MACROD2: variants seen among roughly 807,000 people sequenced by gnomAD.
MACROD2 encodes the protein mono-ADP ribosylhydrolase 2, also known as ADP-ribose glycohydrolase MACROD2.
Under a neutral mutation model 70.4 loss-of-function variants are expected in MACROD2, and 36 were observed. The observed-to-expected ratio is 0.51, with a 90% CI of 0.39 to 0.68. MACROD2 has a LOEUF of 0.68. Ranked by LOEUF, MACROD2 falls within the 30% of genes least tolerant of loss-of-function variation. MACROD2 has a pLI of 0.00. For missense variants in MACROD2, 496 were observed against 538.4 expected (o/e 0.92, Z 0.78); for synonymous variants, 172 against 178.8 (o/e 0.96, Z 0.30).
chr20:14,734,726 A>G (rs555049736), intron 5 of MACROD2, among the ~76,000 whole-genome samples: 1 of 152,288 alleles, frequency 6.6e-6, no homozygotes, highest in East Asian at 1.9e-4. Context: ...CACATTTCCC[A>G]ATGTTAAAAC....
chr20:15,647,450 T>G (rs2049565542), intron 8 of MACROD2, among the ~76,000 whole-genome samples: 4 of 152,182 alleles, frequency 2.6e-5, no homozygotes, highest in Admixed American at 2.0e-4. Flanking sequence ...TCTGCCATGC[T>G]AAGGAGTCAG....
Position 15,627,116 on chromosome 20 carries a change from A to T in MACROD2, c.645+127269A>T, listed in dbSNP as rs530557954. On this transcript the variant is annotated intron_variant, in intron 8 of 17. Transcript: ENST00000684519. ...AGAGATGTGTGAAAAGGCATTTGGG[A>T]CAGTTACAAGTTTGTGAACAGTGAT... 7.2e-5 allele frequency among the ~76,000 whole-genome samples: 11 copies of T among 151,888 alleles called. No individual in the cohort carries two copies. In the East Asian group the frequency reaches 1.9e-3, roughly 27 times the overall value.
chr20:14,397,941 G>A (rs538620998), intron 3 of MACROD2, among the ~76,000 whole-genome samples: 5 of 147,456 alleles, frequency 3.4e-5, no homozygotes, highest in Non-Finnish European at 6.2e-5. Flanking sequence ...TTCTACTTCT[G>A]TGAGCTTTTT....
intron 8 of MACROD2, among the ~76,000 whole-genome samples, chr20:15,804,610 G>T (rs956950467): frequency 1.3e-5 from 2 of 152,146 alleles, no homozygotes; most frequent in African/African-American, 4.8e-5. Context: ...TTGTAGAAAA[G>T]CACACAGCTG....
chr20:14,938,753 C>T (rs934422346), intron 5 of MACROD2, among the ~76,000 whole-genome samples: 4 of 151,906 alleles, frequency 2.6e-5, no homozygotes, highest in Non-Finnish European at 4.4e-5. Flanking sequence ...TGCACTCCAG[C>T]GTGGGTGACT....
At chr20:15,261,443 G>A (rs1372965537) in intron 6 of MACROD2, among the ~76,000 whole-genome samples, 1 of 151,836 alleles carries the variant, frequency 6.6e-6, no homozygotes, top group African/African-American at 2.4e-5. Flanking sequence ...TAATAAGCAG[G>A]TTAAGTCTAA....
intron 5 of MACROD2, among the ~76,000 whole-genome samples, chr20:15,205,998 A>G (rs905876698): frequency 6.6e-6 from 1 of 152,336 alleles, no homozygotes; most frequent in South Asian, 2.1e-4. Flanking sequence ...GCAGTCCCCC[A>G]GCAGGTATAA....
At chr20:14,474,425 T>A (rs1303960887) in intron 3 of MACROD2, among the ~76,000 whole-genome samples, 1 of 152,172 alleles carries the variant, frequency 6.6e-6, no homozygotes, top group East Asian at 1.9e-4. Context: ...TTCCATATGC[T>A]ATTGAGAAGA....
intron 5 of MACROD2, among the ~76,000 whole-genome samples, chr20:15,043,471 C>A (rs144113238): frequency 1.9e-4 from 29 of 152,230 alleles, no homozygotes; most frequent in Non-Finnish European, 3.2e-4. Context: ...TTGCATGATG[C>A]CTCCACGCTG....
At chr20:15,601,487 G>C (rs200780) in intron 8 of MACROD2, among the ~76,000 whole-genome samples, 21,570 of 152,102 alleles carry the variant, frequency 0.14, 1,618 homozygotes, top group African/African-American at 0.17. Flanking sequence ...ATCATACTTT[G>C]TGCTTATAGA....
intron 7 of MACROD2, among the ~76,000 whole-genome samples, chr20:15,477,008 T>C (rs1430562638): frequency 2.0e-5 from 3 of 152,148 alleles, no homozygotes; most frequent in Non-Finnish European, 4.4e-5. Context: ...CTCTATGGCA[T>C]CTTCTAGATT....
intron 3 of MACROD2, among the ~76,000 whole-genome samples, chr20:14,126,033 A>C (rs2148695627): frequency 6.6e-6 from 1 of 152,276 alleles, no homozygotes; most frequent in African/African-American, 2.4e-5. Context: ...GGATTGTAGA[A>C]GCCTGAGTGT....
At chr20:15,287,717 C>T (rs2077504518) in intron 6 of MACROD2, among the ~76,000 whole-genome samples, 1 of 152,208 alleles carries the variant, frequency 6.6e-6, no homozygotes, top group South Asian at 2.1e-4. Flanking sequence ...GCTCTTGCAA[C>T]AGCTAAACAG....
intron 13 of MACROD2, among the ~76,000 whole-genome samples, chr20:15,971,846 A>G (rs1049481589): frequency 2.6e-5 from 4 of 152,212 alleles, no homozygotes; most frequent in Non-Finnish European, 5.9e-5. Context: ...ATAGTTCTTG[A>G]CAGGAAGCAG....
At chr20:15,251,364 A>T (rs2077154275) in intron 6 of MACROD2, among the ~76,000 whole-genome samples, 2 of 152,164 alleles carry the variant, frequency 1.3e-5, no homozygotes, top group African/African-American at 4.8e-5. Flanking sequence ...CCCAGTGCAA[A>T]TTCTCACTGA....
intron 5 of MACROD2, among the ~76,000 whole-genome samples, chr20:14,941,346 G>A (rs150268749): frequency 6.6e-6 from 1 of 152,114 alleles, no homozygotes; most frequent in African/African-American, 2.4e-5. Flanking sequence ...GCTGCCCTCT[G>A]GGGTATTTCT....
At chr20:14,171,278 T>G (rs1392509221) in intron 3 of MACROD2, among the ~76,000 whole-genome samples, 2 of 152,212 alleles carry the variant, frequency 1.3e-5, no homozygotes, top group Non-Finnish European at 2.9e-5. Context: ...GTTAATTAAT[T>G]TTCGAATAAC....
intron 12 of MACROD2, among the ~76,000 whole-genome samples, chr20:15,965,553 T>C (rs988397737): frequency 6.6e-6 from 1 of 152,168 alleles, no homozygotes; most frequent in Non-Finnish European, 1.5e-5. Context: ...ATAACATTAA[T>C]GTTGAGAGAA....
intron 5 of MACROD2, among the ~76,000 whole-genome samples, chr20:14,965,307 T>C (rs2074622590): frequency 6.6e-6 from 1 of 152,110 alleles, no homozygotes; most frequent in Non-Finnish European, 1.5e-5. Context: ...TGAAACTAGT[T>C]GTTCATGGAA....
Sources: allele counts gnomAD v4.1 joint callset (sites outside exome capture counted in the v4.1 genomes callset), GRCh38; gene constraint gnomAD v4.1.1; transcripts MANE v1.5; gene names NCBI Gene and HGNC (gene_info 2026-07-23, HGNC 2026-07-21).